Variants in AFAP1 observed in about 807,000 individuals in gnomAD.
The protein encoded by AFAP1 is actin filament-associated protein 1.
A neutral mutation model predicts 93.9 loss-of-function variants in AFAP1; 75 were observed. The observed-to-expected ratio is 0.80, with a 90% CI of 0.66 to 0.97. The LOEUF (loss-of-function observed/expected upper bound fraction) is 0.97. AFAP1 is among the 50% of genes least tolerant of loss of function. The pLI is 0.00. For synonymous variants in AFAP1, 517 were observed against 430.7 expected, an observed-to-expected ratio of 1.20 and a Z score of -2.48; for missense variants, 1,201 against 1,050.8, an observed-to-expected ratio of 1.14 and a Z score of -1.98.
intron 3 of AFAP1, chr4:7,862,402 G>GAA (rs113262474): frequency 4.2e-5 from 4 of 96,308 alleles, no homozygotes; most frequent in Non-Finnish European, 6.6e-5. Flanking sequence ...TTGGGGGCGG[G>GAA]GGGGGGGGGG....
chr4:7,840,305 G>GGTGTGTGT (rs5855989), intron 5 of AFAP1, among the ~76,000 whole-genome samples: 136 of 131,278 alleles, frequency 1.0e-3, no homozygotes, highest in African/African-American at 3.7e-3. Context: ...TTGTTTTTGG[G>GGTGTGTGT]GTGTGTGTGT....
chr4:7,838,267 G>A (rs1450674711), intron 6 of AFAP1, among the ~76,000 whole-genome samples: 1 of 152,178 alleles, frequency 6.6e-6, no homozygotes, highest in Non-Finnish European at 1.5e-5. Flanking sequence ...AAGTGACACT[G>A]TGGAAAATAA....
chr4:7,789,186 G>C (rs956031232), intron 11 of AFAP1, among the ~76,000 whole-genome samples: 2 of 152,158 alleles, frequency 1.3e-5, no homozygotes, highest in Admixed American at 6.5e-5. Context: ...AACTAAACAC[G>C]AGGCCTCGGT....
intron 1 of AFAP1, among the ~76,000 whole-genome samples, chr4:7,878,730 C>T (rs192247177): frequency 6.6e-6 from 1 of 152,344 alleles, no homozygotes; most frequent in Admixed American, 6.5e-5. Context: ...TCAAGATAGA[C>T]ACTGTTTTCA....
chr4:7,874,356 C>CTTT (rs869214535), intron 1 of AFAP1, among the ~76,000 whole-genome samples: 1,120 of 92,292 alleles, frequency 0.012, 82 homozygotes, highest in African/African-American at 0.039. Context: ...TTGCCTTTTT[C>CTTT]TTTTTTTTTT....
intron 1 of AFAP1, among the ~76,000 whole-genome samples, chr4:7,894,440 G>T (rs113488967): frequency 5.9e-5 from 9 of 152,220 alleles, no homozygotes; most frequent in African/African-American, 2.2e-4. Flanking sequence ...CACAGAAGAA[G>T]CATTTAGCAC....
intron 5 of AFAP1, 161 bp downstream of exon 5, chr4:7,842,978 G>T: frequency 1.4e-6 from 1 of 718,400 alleles, no homozygotes; most frequent in Non-Finnish European, 2.3e-6. Context: ...GATGGCATGT[G>T]GGGGCCCCTG....
chr4:7,807,141 A>G (rs898087657), intron 9 of AFAP1, among the ~76,000 whole-genome samples: 1 of 152,192 alleles, frequency 6.6e-6, no homozygotes, highest in East Asian at 1.9e-4. Flanking sequence ...ATTGCCTTTC[A>G]TATTAATGTT....
chr4:7,781,138 G>A (rs963401069), intron 13 of AFAP1, among the ~76,000 whole-genome samples: 3 of 152,062 alleles, frequency 2.0e-5, no homozygotes, highest in African/African-American at 7.2e-5. Context: ...AATTTTCCAA[G>A]AACAGAAAGA....
intron 6 of AFAP1, among the ~76,000 whole-genome samples, chr4:7,834,732 C>A (rs1712070701): frequency 1.3e-5 from 2 of 152,234 alleles, no homozygotes. Context: ...AAGAGAGATC[C>A]AAGCTGTAGT....
intron 1 of AFAP1, among the ~76,000 whole-genome samples, chr4:7,879,447 A>T (rs1249202981): frequency 6.6e-6 from 1 of 152,112 alleles, no homozygotes; most frequent in African/African-American, 2.4e-5. Context: ...CCTGTTCTGG[A>T]CAGAATGGCG....
At chr4:7,834,128 C>CACACATATAT (rs756961714) in intron 6 of AFAP1, among the ~76,000 whole-genome samples, 4 of 119,426 alleles carry the variant, frequency 3.3e-5, no homozygotes, top group African/African-American at 1.6e-4. Context: ...CACACACACA[C>CACACATATAT]ATATATACAA....
intron 1 of AFAP1, among the ~76,000 whole-genome samples, chr4:7,896,089 G>A (rs1022100115): frequency 8.6e-5 from 13 of 151,868 alleles, no homozygotes; most frequent in Admixed American, 2.0e-4. Flanking sequence ...TCGAACTCCC[G>A]ACTTCAGGTG....
At chr4:7,833,840 G>A (rs1023987527) in intron 6 of AFAP1, among the ~76,000 whole-genome samples, 15 of 151,744 alleles carry the variant, frequency 9.9e-5, no homozygotes, top group South Asian at 2.1e-4. Flanking sequence ...TGCCTGCCTC[G>A]GCCTCCCAAA....
chr4:7,899,969 GT>G (rs1719021944), intron 1 of AFAP1, among the ~76,000 whole-genome samples: 1 of 152,116 alleles, frequency 6.6e-6, no homozygotes, highest in Admixed American at 6.6e-5. Context: ...ACTCAGGTGC[GT>G]TTTGGTTACT....
In AFAP1 at chr4:7,843,163, G is replaced by A. The variant is rs73086500; in HGVS notation, c.522C>T (p.Cys174=). ...KRFGQWTKLL[C]VIKDTKLLCY... is the part of the protein sequence containing the mutation. Reference sequence around the variant, plus strand: ...CCAGCAGTTTGGTGTCTTTGATGACGCAGAGCAACTTGGTCCACTGGCCGA... The same window carrying A: ...CCAGCAGTTTGGTGTCTTTGATGACACAGAGCAACTTGGTCCACTGGCCGA... The change falls in exon 5 of 18, where the codon TGC becomes TGT. Residue 174 remains cysteine (C), a synonymous_variant. Coordinates refer to ENST00000420658, the MANE Select transcript of AFAP1 (RefSeq NM_001134647.2). 0.012 allele frequency: 18,996 copies of A among 1,614,112 alleles called. 235 individuals carry two copies. Among genetic ancestry groups the A allele is most frequent in the South Asian group, 0.05 (4,509 of 91,074 alleles).
At chr4:7,924,803 T>A (rs1240504830) in intron 1 of AFAP1, among the ~76,000 whole-genome samples, 1 of 152,052 alleles carries the variant, frequency 6.6e-6, no homozygotes, top group Admixed American at 6.6e-5. Context: ...CAGACTCTTC[T>A]CTCTCGACAA....
chr4:7,881,494 G>A (rs942072460), intron 1 of AFAP1, among the ~76,000 whole-genome samples: 17 of 152,092 alleles, frequency 1.1e-4, no homozygotes, highest in Admixed American at 1.3e-4. Flanking sequence ...TAGAAACCCG[G>A]ACTCTGGGCC....
At chr4:7,817,852 A>G (rs1720620735) in intron 7 of AFAP1, among the ~76,000 whole-genome samples, 1 of 151,574 alleles carries the variant, frequency 6.6e-6, no homozygotes, top group Non-Finnish European at 1.5e-5. Context: ...AAGAGTGGTT[A>G]ATATATCAGT....
Sources: gnomAD v4.1 joint callset for allele counts (sites outside exome capture counted in the v4.1 genomes callset) on GRCh38, gnomAD v4.1.1 for gene constraint, MANE v1.5 for transcripts, NCBI Gene and HGNC (gene_info 2026-07-23, HGNC 2026-07-21) for gene names.